The following CPNE5 variants were observed in gnomAD, a reference collection of about 807,000 sequenced individuals.
CPNE5 encodes the protein copine 5.
CPNE5 carries 42 observed loss-of-function variants against 81.1 expected under a neutral mutation model. That is an observed-to-expected ratio of 0.52 (90% CI 0.40 to 0.67). CPNE5 has a LOEUF of 0.67. Ranked by LOEUF, CPNE5 falls within the 30% of genes least tolerant of loss-of-function variation. CPNE5 has a pLI of 0.00. For missense variants in CPNE5, 612 were observed against 815.5 expected, an observed-to-expected ratio of 0.75 and a Z score of 3.04; for synonymous variants, 313 against 321.5, an observed-to-expected ratio of 0.97 and a Z score of 0.28.
intron 15 of CPNE5, among the ~76,000 whole-genome samples, chr6:36,747,887 G>A (rs1293437668): frequency 6.6e-6 from 1 of 152,216 alleles, no homozygotes; most frequent in East Asian, 1.9e-4. Context: ...CCTGTGGGTT[G>A]GACTGCACAG....
chr6:36,807,738 C>T (rs1770725816), intron 3 of CPNE5, among the ~76,000 whole-genome samples: 1 of 152,188 alleles, frequency 6.6e-6, no homozygotes, highest in Non-Finnish European at 1.5e-5. Context: ...AGACTGGAGG[C>T]AAATGCAGGG....
chr6:36,790,955 A>C (rs1302097363), intron 8 of CPNE5, among the ~76,000 whole-genome samples: 1 of 152,246 alleles, frequency 6.6e-6, no homozygotes, highest in Non-Finnish European at 1.5e-5. Flanking sequence ...TTCTGTTTAA[A>C]TTTCTAGTAG....
At chr6:36,829,884 C>A (rs74359155) in intron 1 of CPNE5, among the ~76,000 whole-genome samples, 1,846 of 143,240 alleles carry the variant, frequency 0.013, 41 homozygotes, top group African/African-American at 0.044. Flanking sequence ...CAACAGGAAT[C>A]CTGATGGTCC....
intron 8 of CPNE5, among the ~76,000 whole-genome samples, chr6:36,781,960 T>C (rs964153422): frequency 3.3e-5 from 5 of 152,130 alleles, no homozygotes; most frequent in Non-Finnish European, 2.9e-5. Flanking sequence ...AGAGCTCTAG[T>C]CCTGGCTCTG....
At chr6:36,788,561 C>G (rs1039771252) in intron 8 of CPNE5, among the ~76,000 whole-genome samples, 14 of 146,566 alleles carry the variant, frequency 9.6e-5, no homozygotes, top group Non-Finnish European at 3.0e-5. Context: ...CCCAGCCCCC[C>G]AGCCTTGCAG....
At chr6:36,823,349 AGGTGCCCTGGTCTT>A (rs1221310539) in intron 1 of CPNE5, among the ~76,000 whole-genome samples, 2 of 152,206 alleles carry the variant, frequency 1.3e-5, no homozygotes, top group African/African-American at 4.8e-5. Context: ...CACTCCGGGT[AGGTGCCCTGGTCTT>A]GGTGCCCTGT....
At chr6:36,834,405 C>T (rs1052450119) in intron 1 of CPNE5, among the ~76,000 whole-genome samples, 4 of 151,892 alleles carry the variant, frequency 2.6e-5, no homozygotes, top group African/African-American at 7.3e-5. Flanking sequence ...CCTGCAATCC[C>T]GGCAATTTGG....
At chr6:36,768,687 G>A (rs1458969223) in intron 10 of CPNE5, among the ~76,000 whole-genome samples, 1 of 152,212 alleles carries the variant, frequency 6.6e-6, no homozygotes, top group African/African-American at 2.4e-5. Flanking sequence ...CGGCACCCAA[G>A]AGAACAGGCT....
intron 4 of CPNE5, 93 bp from the exon 5 acceptor site, chr6:36,798,587 CA>C: frequency 3.7e-6 from 4 of 1,084,870 alleles, no homozygotes; most frequent in East Asian, 2.4e-5. Flanking sequence ...CCCTGTCCCC[CA>C]AAAAACAGGT....
intron 13 of CPNE5, chr6:36,755,388 G>A (rs1765310400): frequency 6.6e-6 from 1 of 152,236 alleles, no homozygotes; most frequent in African/African-American, 2.4e-5. Context: ...TGCATGTGCT[G>A]TTCTCTACAG....
At chr6:36,758,702 G>C (rs1343960717) in intron 12 of CPNE5, among the ~76,000 whole-genome samples, 1 of 152,196 alleles carries the variant, frequency 6.6e-6, no homozygotes, top group Non-Finnish European at 1.5e-5. Context: ...GGCCCTGGGC[G>C]TGGCTATAGA....
chr6:36,796,966 A>C (rs909123195), intron 6 of CPNE5, among the ~76,000 whole-genome samples: 2 of 152,190 alleles, frequency 1.3e-5, no homozygotes, highest in African/African-American at 4.8e-5. Flanking sequence ...GTTGGAGTAC[A>C]GTAGCCCAAT....
chr6:36,775,118 G>T (rs1016454969), intron 9 of CPNE5, 53 bp from the exon 10 acceptor site: 100 of 1,368,156 alleles, frequency 7.3e-5, no homozygotes, highest in Non-Finnish European at 9.3e-5. Context: ...CAAGGGAGGC[G>T]AATGCAGGTC....
intron 7 of CPNE5, chr6:36,792,445 T>G: frequency 1.5e-6 from 2 of 1,335,640 alleles, no homozygotes; most frequent in Non-Finnish European, 2.0e-6. Context: ...CAAAGACCAC[T>G]TCTGTGGGCA....
chr6:36,839,520 G>C, upstream of CPNE5: 1 of 626,154 alleles, frequency 1.6e-6, no homozygotes. This position sits in a 1 kb window ranked among gnomAD's most constrained non-coding sequence, Gnocchi z 7.3. Context: ...CGAAGAGGGG[G>C]CGTGGGAAGT....
At chr6:36,785,583 T>G (rs1768456914) in intron 8 of CPNE5, among the ~76,000 whole-genome samples, 1 of 152,074 alleles carries the variant, frequency 6.6e-6, no homozygotes, top group Non-Finnish European at 1.5e-5. Flanking sequence ...AGAAGCACTT[T>G]TAAAGCCAGG....
upstream of CPNE5, chr6:36,839,456 C>T (rs1436839215): frequency 1.6e-6 from 2 of 1,238,998 alleles, no homozygotes; most frequent in Non-Finnish European, 2.2e-6. The surrounding 1 kb of genome is among the most constrained non-coding windows in gnomAD (Gnocchi z 7.3). Flanking sequence ...GAGCCCTGGG[C>T]TCTCCCCCAA....
intron 10 of CPNE5, among the ~76,000 whole-genome samples, chr6:36,765,589 G>A (rs542384094): frequency 1.3e-5 from 2 of 152,162 alleles, no homozygotes; most frequent in Non-Finnish European, 2.9e-5. Context: ...GGGCTGTGTA[G>A]GGACTGCCCA....
At chr6:36,796,476 T>C (rs1175696969) in intron 6 of CPNE5, among the ~76,000 whole-genome samples, 1 of 152,196 alleles carries the variant, frequency 6.6e-6, no homozygotes, top group African/African-American at 2.4e-5. Flanking sequence ...ATCTCCATCC[T>C]GGCAACCCAG....
Sources: allele counts gnomAD v4.1 joint callset (sites outside exome capture counted in the v4.1 genomes callset), GRCh38; gene constraint gnomAD v4.1.1; non-coding constraint Gnocchi (gnomAD v3.1); transcripts MANE v1.5; gene names NCBI Gene and HGNC (gene_info 2026-07-23, HGNC 2026-07-21).